The following AUTS2 variants were observed in gnomAD, a reference collection of about 807,000 sequenced individuals.
AUTS2 encodes autism susceptibility gene 2 protein.
A neutral mutation model predicts 112.4 loss-of-function variants in AUTS2; 17 were observed. The observed-to-expected ratio is 0.15, with a 90% confidence interval of 0.10 to 0.23. The LOEUF is 0.23. Ranked by LOEUF, AUTS2 falls within the 10% of genes least tolerant of loss-of-function variation. The pLI is 1.00. For missense variants in AUTS2, 1,510 were observed against 1,701.6 expected (o/e 0.89, Z 1.98); for synonymous variants, 751 against 702.7 (o/e 1.07, Z -1.09).
intron 4 of AUTS2, among the ~76,000 whole-genome samples, chr7:70,353,387 C>G (rs190813612): frequency 3.3e-5 from 5 of 152,072 alleles, no homozygotes; most frequent in Admixed American, 3.3e-4. Context: ...ATGGTTGTGT[C>G]CCTTAACCAC....
At position 70,694,581 on chromosome 7, in the gene AUTS2, C is replaced by G. The variant is rs1808963025; in HGVS notation, c.691-3988C>G. ...GCCGCCGCCGCCGCCTCGCTCTTAGCTCCGCGCGCCGCGGCGGCGGCTCAG... is the reference window on the plus strand; with the variant it reads ...GCCGCCGCCGCCGCCTCGCTCTTAGGTCCGCGCGCCGCGGCGGCGGCTCAG... On this transcript the variant is annotated intron_variant, in intron 5 of 18. Coordinates refer to ENST00000342771, the MANE Select transcript of AUTS2 (RefSeq NM_015570.4). This position sits in a 1 kb window ranked among gnomAD's most constrained non-coding sequence, Gnocchi z 4.1. 6.7e-6 allele frequency: 1 copy of G among 149,042 alleles called. No individual in the cohort carries two copies. The highest frequency in any genetic ancestry group is 1.5e-5 in the Non-Finnish European group (1 of 67,024). 9.2% of individuals were successfully genotyped at this position (149,042 alleles called of 1,614,324 possible).
At chr7:69,976,004 C>G (rs77687322) in intron 2 of AUTS2, among the ~76,000 whole-genome samples, 12,894 of 152,202 alleles carry the variant, frequency 0.085, 630 homozygotes, top group East Asian at 0.13. Flanking sequence ...GCATTTTACT[C>G]TGGTAAAGAT....
At chr7:70,134,265 C>T (rs1806427638) in intron 3 of AUTS2, among the ~76,000 whole-genome samples, 2 of 152,194 alleles carry the variant, frequency 1.3e-5, no homozygotes, top group African/African-American at 4.8e-5. Context: ...CATTACCCAG[C>T]TGCCTGTCAA....
At chr7:70,606,911 G>A (rs1475197691) in intron 5 of AUTS2, among the ~76,000 whole-genome samples, 2 of 151,462 alleles carry the variant, frequency 1.3e-5, no homozygotes, top group East Asian at 3.9e-4. Flanking sequence ...TCATACACGT[G>A]CGCACACACA....
chr7:70,457,730 A>C (rs942051589), intron 5 of AUTS2, among the ~76,000 whole-genome samples: 3 of 152,186 alleles, frequency 2.0e-5, no homozygotes, highest in Non-Finnish European at 4.4e-5. Flanking sequence ...TCCCATACAG[A>C]GCCGCAGATG....
intron 4 of AUTS2, among the ~76,000 whole-genome samples, chr7:70,324,387 C>T (rs1265141610): frequency 6.6e-6 from 1 of 152,196 alleles, no homozygotes; most frequent in African/African-American, 2.4e-5. Context: ...AAAAAATTGC[C>T]AAGGCAGAAG....
At chr7:70,701,211 G>A (rs1256244499) in intron 6 of AUTS2, among the ~76,000 whole-genome samples, 1 of 152,214 alleles carries the variant, frequency 6.6e-6, no homozygotes, top group African/African-American at 2.4e-5. Flanking sequence ...TTTCACCGTG[G>A]GAGGGCAGTG....
At chr7:70,180,103 G>A (rs553215140) in intron 4 of AUTS2, among the ~76,000 whole-genome samples, 131 of 152,288 alleles carry the variant, frequency 8.6e-4, no homozygotes, top group Non-Finnish European at 5.0e-4. Flanking sequence ...TTCAGCCACA[G>A]GTCTTTCTAA....
At chr7:69,606,446 C>T (rs747182089) in intron 1 of AUTS2, among the ~76,000 whole-genome samples, 1 of 152,126 alleles carries the variant, frequency 6.6e-6, no homozygotes, top group African/African-American at 2.4e-5. Context: ...CCTGTGTGCA[C>T]GCAAAGGGTG....
At chr7:69,809,224 G>A (rs371948256) in intron 1 of AUTS2, among the ~76,000 whole-genome samples, 238 of 152,070 alleles carry the variant, frequency 1.6e-3, no homozygotes, top group African/African-American at 5.2e-3. Flanking sequence ...GCAGGCACCC[G>A]CCACCACGCC....
chr7:70,176,939 G>A (rs1393273890), intron 4 of AUTS2, among the ~76,000 whole-genome samples: 1 of 152,152 alleles, frequency 6.6e-6, no homozygotes, highest in South Asian at 2.1e-4. Context: ...TTTTCTTAGT[G>A]TTGTACCTCA....
At chr7:70,045,605 T>A (rs917211944) in intron 2 of AUTS2, among the ~76,000 whole-genome samples, 8 of 150,578 alleles carry the variant, frequency 5.3e-5, no homozygotes, top group African/African-American at 1.5e-4. Context: ...ATATTATATT[T>A]TATTTTATTT....
chr7:69,684,006 C>A (rs946217549), intron 1 of AUTS2, among the ~76,000 whole-genome samples: 1 of 152,198 alleles, frequency 6.6e-6, no homozygotes, highest in Non-Finnish European at 1.5e-5. Flanking sequence ...TTTTCTCCAG[C>A]TATAAAATGA....
intron 1 of AUTS2, among the ~76,000 whole-genome samples, chr7:69,878,523 C>T (rs980271951): frequency 1.3e-5 from 2 of 152,124 alleles, no homozygotes; most frequent in Non-Finnish European, 2.9e-5. Context: ...CACTCTCCTG[C>T]AGGAGAGAGA....
chr7:69,876,357 T>TAA (rs1793767597), intron 1 of AUTS2, among the ~76,000 whole-genome samples: 4 of 93,354 alleles, frequency 4.3e-5, no homozygotes, highest in African/African-American at 1.8e-4. Flanking sequence ...AAAATATATA[T>TAA]ATATATATAT....
At position 70,503,734 on chromosome 7, in the gene AUTS2, G is replaced by A. The variant is rs113879649; in HGVS notation, c.690+67953G>A. Among the ~76,000 whole-genome samples the A allele has an allele frequency of 4.3e-3, 656 of 151,150 alleles. 12 individuals carry two copies. The highest frequency in any genetic ancestry group is 0.015 in the African/African-American group (630 of 41,258). On this transcript the variant is annotated intron_variant, in intron 5 of 18. Coordinates refer to ENST00000342771, the MANE Select transcript of AUTS2 (RefSeq NM_015570.4). ...AGGTCTTCTTATGTTCCCCAGGCTG[G>A]TCTCAAACTCCTAGGATCAAGTGAT...
At chr7:70,731,915 G>C (rs1178512794) in intron 6 of AUTS2, among the ~76,000 whole-genome samples, 1 of 151,994 alleles carries the variant, frequency 6.6e-6, no homozygotes, top group Non-Finnish European at 1.5e-5. Context: ...GAGGAATAAG[G>C]GTAATGTCTT....
chr7:70,616,930 T>A (rs574207695), intron 5 of AUTS2, among the ~76,000 whole-genome samples: 1 of 152,078 alleles, frequency 6.6e-6, no homozygotes, highest in Non-Finnish European at 1.5e-5. Context: ...CACTTCCTCC[T>A]TAGAGACCAG....
At chr7:70,544,029 C>T (rs907552087) in intron 5 of AUTS2, among the ~76,000 whole-genome samples, 6 of 152,090 alleles carry the variant, frequency 3.9e-5, no homozygotes, top group Admixed American at 6.6e-5. Context: ...GATGTCTGCC[C>T]CAGTAAGCAG....
Sources: allele counts gnomAD v4.1 joint callset (sites outside exome capture counted in the v4.1 genomes callset), GRCh38; gene constraint gnomAD v4.1.1; non-coding constraint Gnocchi (gnomAD v3.1); transcripts MANE v1.5; gene names NCBI Gene and HGNC (gene_info 2026-07-23, HGNC 2026-07-21).